SGK3: variants seen among roughly 807,000 people sequenced by gnomAD.
SGK3 encodes serine/threonine-protein kinase Sgk3.
SGK3 carries 47 observed loss-of-function variants against 68.5 expected under a neutral mutation model. The ratio of observed to expected loss-of-function variants is 0.69; its 90% CI spans 0.54 to 0.87. The LOEUF is 0.87. SGK3 is among the 40% of genes least tolerant of loss of function. The probability of loss-of-function intolerance (pLI) is 0.00; values close to 1 mark genes in which losing one functional copy is unlikely to be tolerated. For missense variants in SGK3, 479 were observed against 575.5 expected (o/e 0.83, Z 1.72); for synonymous variants, 181 against 189.1 (o/e 0.96, Z 0.35).
chr8:66,808,331 C>T (rs1336698704), intron 4 of SGK3, among the ~76,000 whole-genome samples: 1 of 152,142 alleles, frequency 6.6e-6, no homozygotes, highest in East Asian at 1.9e-4. Flanking sequence ...ACTGTATATT[C>T]TTCATGGGAT....
At chr8:66,818,693 C>G (rs1808692726) in intron 5 of SGK3, among the ~76,000 whole-genome samples, 1 of 152,156 alleles carries the variant, frequency 6.6e-6, no homozygotes. Flanking sequence ...ATCTGTCTGG[C>G]TTATTTCCCA....
At chr8:66,766,249 G>T (rs1401163269) in intron 1 of SGK3, among the ~76,000 whole-genome samples, 1 of 151,884 alleles carries the variant, frequency 6.6e-6, no homozygotes, top group Admixed American at 6.6e-5. Context: ...TTGGCCGGGT[G>T]TGGTGGCTCA....
At chr8:66,760,091 G>C (rs900328303) in intron 1 of SGK3, among the ~76,000 whole-genome samples, 3 of 152,054 alleles carry the variant, frequency 2.0e-5, no homozygotes, top group South Asian at 2.1e-4. Context: ...GATTTATGCA[G>C]ACCTTCCAAA....
At chr8:66,814,045 A>G in intron 5 of SGK3, 117 bp downstream of exon 5, 1 of 746,944 alleles carries the variant, frequency 1.3e-6, no homozygotes, top group East Asian at 3.4e-5. Flanking sequence ...ATATGTTTGT[A>G]AAATCTTCTT....
intron 16 of SGK3, among the ~76,000 whole-genome samples, chr8:66,856,237 T>G (rs1222357573): frequency 6.6e-6 from 1 of 152,068 alleles, no homozygotes; most frequent in Non-Finnish European, 1.5e-5. Flanking sequence ...TGGGCTAATT[T>G]TTTGTATTTT....
Position 66,744,471 on chromosome 8 carries a change from A to G in SGK3, c.-122+31638A>G, listed in dbSNP as rs911510109. On this transcript the variant is annotated intron_variant, in intron 1 of 16. Coordinates refer to ENST00000521198, the MANE Select transcript of SGK3 (RefSeq NM_001033578.3). ...GAAATTATCAAATATATATGCATAT[A>G]TGTGTGTGTGTGTATATATATATAT... is the stretch of plus-strand genomic sequence containing the variant. 1.2e-3 allele frequency among the ~76,000 whole-genome samples: 133 copies of G among 113,718 alleles called. 4 individuals carry two copies. The highest frequency in any genetic ancestry group is 2.9e-3 in the African/African-American group (80 of 27,426). 74.6% of individuals were successfully genotyped at this position (113,718 alleles called of 152,430 possible).
intron 1 of SGK3, among the ~76,000 whole-genome samples, chr8:66,785,229 A>G (rs1264103548): frequency 6.6e-6 from 1 of 152,266 alleles, no homozygotes; most frequent in Non-Finnish European, 1.5e-5. Context: ...ATGTAACAAC[A>G]TAAGAAGTTG....
intron 1 of SGK3, among the ~76,000 whole-genome samples, chr8:66,731,531 T>G (rs564301179): frequency 6.6e-6 from 1 of 152,282 alleles, no homozygotes; most frequent in South Asian, 2.1e-4. Context: ...TTTATTTATT[T>G]ATTTTGTTTG....
At chr8:66,842,054 A>G (rs1809818774) in intron 13 of SGK3, among the ~76,000 whole-genome samples, 1 of 152,200 alleles carries the variant, frequency 6.6e-6, no homozygotes, top group Admixed American at 6.6e-5. Flanking sequence ...TCTCTAAGTA[A>G]TAAATATTTA....
chr8:66,822,377 A>G lies in SGK3; in HGVS notation c.335A>G (p.Asp112Gly), dbSNP rs1808876423. The change falls in exon 6 of 17, where the codon GAT (aspartate) becomes GGT (glycine). Residue 112 changes from aspartate to glycine, a missense_variant. Asp to Gly is a moderately conservative substitution (Grantham distance 94). Coordinates refer to ENST00000521198, the MANE Select transcript of SGK3 (RefSeq NM_001033578.3). ...VRYPELYNHP[D>G]VRAFLQMDSP... is the part of the protein sequence containing the mutation. ...AAGTTAATTTTTGTTTTTAGTCCAG[A>G]TGTCAGAGCATTCCTTCAAATGGAC... The G allele has an allele frequency of 1.2e-6, 2 of 1,604,334 alleles. No homozygotes were observed. Among genetic ancestry groups the G allele is most frequent in the Non-Finnish European group, 1.7e-6 (2 of 1,175,720 alleles).
chr8:66,730,782 A>G (rs1805128176), intron 1 of SGK3, among the ~76,000 whole-genome samples: 5 of 151,550 alleles, frequency 3.3e-5, no homozygotes, highest in Admixed American at 3.3e-4. Context: ...TGTTCAAGCA[A>G]TTCTCCTGCC....
chr8:66,855,758 G>A (rs1810484803), intron 16 of SGK3, among the ~76,000 whole-genome samples: 2 of 152,146 alleles, frequency 1.3e-5, no homozygotes, highest in Non-Finnish European at 2.9e-5. Flanking sequence ...TCATACTGAC[G>A]GTTGAAGAAG....
chr8:66,720,781 T>TTA (rs758419858), intron 1 of SGK3, among the ~76,000 whole-genome samples: 1 of 146,248 alleles, frequency 6.8e-6, no homozygotes, highest in Non-Finnish European at 1.5e-5. Flanking sequence ...AAAAAAAAAA[T>TTA]TATATATATA....
chr8:66,829,928 A>T (rs906333021), intron 7 of SGK3, among the ~76,000 whole-genome samples: 1 of 147,782 alleles, frequency 6.8e-6, no homozygotes, highest in African/African-American at 2.5e-5. Flanking sequence ...GCGGGAGTCC[A>T]GTGGTGCAAT....
At chr8:66,755,430 A>G (rs1373616856) in intron 1 of SGK3, among the ~76,000 whole-genome samples, 1 of 152,238 alleles carries the variant, frequency 6.6e-6, no homozygotes, top group Admixed American at 6.5e-5. Flanking sequence ...AACCTGTCGC[A>G]TGATGTCAGG....
At chr8:66,747,021 A>G (rs890387000) in intron 1 of SGK3, among the ~76,000 whole-genome samples, 7 of 151,998 alleles carry the variant, frequency 4.6e-5, no homozygotes, top group Admixed American at 3.9e-4. Flanking sequence ...AATAAAATCT[A>G]TTATATAGAT....
At chr8:66,830,905 A>G (rs1030285115) in intron 7 of SGK3, among the ~76,000 whole-genome samples, 3 of 152,236 alleles carry the variant, frequency 2.0e-5, no homozygotes, top group African/African-American at 7.2e-5. Flanking sequence ...ACATTGGACC[A>G]TGATTAATAA....
chr8:66,745,775 T>G (rs1805638535), intron 1 of SGK3, among the ~76,000 whole-genome samples: 1 of 152,164 alleles, frequency 6.6e-6, no homozygotes, highest in Non-Finnish European at 1.5e-5. Flanking sequence ...AGGTTTGGTG[T>G]CTGGTCTCTG....
Position 66,859,521 on chromosome 8 carries a change from G to A in SGK3, c.1431G>A (p.Glu477=). The A allele has an allele frequency of 6.2e-7, 1 of 1,613,558 alleles. No individual in the cohort carries two copies. The highest frequency in any genetic ancestry group is 8.5e-7 in the Non-Finnish European group (1 of 1,179,690). ...CTATAGTGAATGCCAGTGTATTGGA[G>A]GCAGATGATGCATTCGTTGGTTTCT... ...DYSIVNASVL[E]ADDAFVGFSY... is the part of the protein sequence containing the mutation. The change falls in exon 17 of 17, where the codon GAG becomes GAA. Residue 477 remains glutamate, a synonymous_variant. Transcript: ENST00000521198.
Sources: allele counts gnomAD v4.1 joint callset (sites outside exome capture counted in the v4.1 genomes callset), GRCh38; gene constraint gnomAD v4.1.1; transcripts MANE v1.5; gene names NCBI Gene and HGNC (gene_info 2026-07-23, HGNC 2026-07-21).